The following ADAM2 variants were observed in gnomAD, a reference collection of about 807,000 sequenced individuals.
ADAM2 encodes ADAM metallopeptidase domain 2.
A neutral mutation model predicts 99.3 loss-of-function variants in ADAM2; 101 were observed. That is an observed-to-expected ratio of 1.02 (90% CI 0.87 to 1.20). The LOEUF (loss-of-function observed/expected upper bound fraction) is 1.20. ADAM2 is among the 50% of genes most tolerant of loss of function. ADAM2 has a pLI of 0.00. For missense variants in ADAM2, 948 were observed against 878.7 expected (o/e 1.08, Z -1.00); for synonymous variants, 323 against 287.6 (o/e 1.12, Z -1.25).
rs771780150 is a variant in ADAM2 at position 39,749,430 on chromosome 8, G to A, written c.1896C>T (p.His632=). 8.7e-6 allele frequency: 14 copies of A among 1,612,918 alleles called. No individual in the cohort carries two copies. The East Asian group carries it at 2.7e-4, about 31-fold the overall frequency. The change falls in exon 18 of 21, where the codon CAC becomes CAT. Residue 632 remains histidine, a synonymous_variant. Coordinates refer to ENST00000265708, the MANE Select transcript of ADAM2 (RefSeq NM_001464.5). ...GTAAATATGAAGCACTACAGTGACAGTGCTTTTTGTTATTGCATACCTAAA... is the reference window on the plus strand; with the variant it reads ...GTAAATATGAAGCACTACAGTGACAATGCTTTTTGTTATTGCATACCTAAA... ...NDRGVCNNKK[H]CHCSASYLPP...
At chr8:39,751,444 C>A (rs1801942871) in intron 16 of ADAM2, among the ~76,000 whole-genome samples, 1 of 152,080 alleles carries the variant, frequency 6.6e-6, no homozygotes, top group Non-Finnish European at 1.5e-5. Context: ...TACCCTTTTT[C>A]TGCAATGAAG....
At chr8:39,761,380 T>C in intron 14 of ADAM2, 99 bp from the exon 15 acceptor site, 1 of 593,994 alleles carries the variant, frequency 1.7e-6, no homozygotes, top group East Asian at 3.1e-5. Flanking sequence ...AGATATTCAT[T>C]GTACAAAATA....
intron 6 of ADAM2, among the ~76,000 whole-genome samples, chr8:39,816,035 T>A (rs1171158945): frequency 6.6e-6 from 1 of 151,818 alleles, no homozygotes; most frequent in African/African-American, 2.4e-5. Flanking sequence ...GTGGCTCACA[T>A]CTGTAATCCC....
At chr8:39,749,235 CAAA>C in intron 18 of ADAM2, 74 bp downstream of exon 18, 2 of 1,348,742 alleles carry the variant, frequency 1.5e-6, no homozygotes, top group East Asian at 5.0e-5. Flanking sequence ...AATTGGTAGA[CAAA>C]ATATTATTTG....
intron 6 of ADAM2, among the ~76,000 whole-genome samples, chr8:39,812,701 G>A (rs1804756860): frequency 6.6e-6 from 1 of 152,146 alleles, no homozygotes; most frequent in Non-Finnish European, 1.5e-5. Context: ...ATGGTGCTGG[G>A]AAAACTGGCT....
intron 4 of ADAM2, among the ~76,000 whole-genome samples, chr8:39,824,346 A>AT (rs1019576002): frequency 4.2e-5 from 6 of 141,724 alleles, no homozygotes; most frequent in African/African-American, 1.5e-4. Flanking sequence ...CTTCTTTATT[A>AT]TTTTTTAAAA....
At chr8:39,759,158 T>C (rs1241873685) in intron 15 of ADAM2, among the ~76,000 whole-genome samples, 1 of 152,086 alleles carries the variant, frequency 6.6e-6, no homozygotes, top group Non-Finnish European at 1.5e-5. Context: ...ATAATGACTT[T>C]ATCAAAACAT....
intron 18 of ADAM2, among the ~76,000 whole-genome samples, 194 bp from the exon 19 acceptor site, chr8:39,746,825 G>A (rs1047174689): frequency 5.9e-5 from 9 of 152,072 alleles, no homozygotes; most frequent in Admixed American, 5.2e-4. Context: ...TTTTAAAATG[G>A]ATAGCTATAT....
intron 16 of ADAM2, among the ~76,000 whole-genome samples, chr8:39,751,223 T>C (rs749642472): frequency 2.8e-4 from 43 of 152,198 alleles, no homozygotes; most frequent in Non-Finnish European, 5.3e-4. Flanking sequence ...TAGCTCTGGA[T>C]ACTGGATACA....
intron 10 of ADAM2, among the ~76,000 whole-genome samples, chr8:39,784,504 G>A (rs948011244): frequency 5.9e-5 from 9 of 152,092 alleles, no homozygotes; most frequent in African/African-American, 2.2e-4. Flanking sequence ...CCTCAGTTAG[G>A]ACTACAGGGG....
rs1802602692 is a variant in ADAM2, at chr8:39,767,146, C to T, written c.1311+7G>A. ...GGTAATATTGAAATTTTTCAAAAAG[C>T]TCTTACTAGACAGTTTTCGCAGCAT... On this transcript the variant is annotated splice_region_variant and intron_variant, in intron 13 of 20. Transcript: ENST00000265708. 8.1e-6 allele frequency: 13 copies of T among 1,603,598 alleles called. No individual in the cohort carries two copies. The highest frequency in any genetic ancestry group is 2.2e-5 in the East Asian group (1 of 44,830).
chr8:39,809,878 C>T (rs960716683), intron 6 of ADAM2, among the ~76,000 whole-genome samples: 11 of 152,266 alleles, frequency 7.2e-5, no homozygotes, highest in Middle Eastern at 3.4e-3. Flanking sequence ...CATCAATTAA[C>T]GAGCAAAATA....
rs773334201 is a variant in ADAM2, at chr8:39,744,862, A to G, written c.2206T>C (p.Ter736GlnextTer43). ...QPESESEPKG[*>Q] ...TCATGGCATCTCTGTTGTCCAGACT[A>G]CCCTTTAGGTTCACTCTCACTTTCA... is the stretch of plus-strand genomic sequence containing the variant. Residue 736 changes from the stop codon to glutamine, a stop_lost, in exon 20 of 21, where the codon TAG (stop) becomes CAG (glutamine). Transcript: ENST00000265708. 6.2e-7 allele frequency: 1 copy of G among 1,602,352 alleles called. No homozygotes were observed.
chr8:39,773,498 T>A (rs1802865165), intron 11 of ADAM2, among the ~76,000 whole-genome samples: 1 of 151,668 alleles, frequency 6.6e-6, no homozygotes, highest in Admixed American at 6.6e-5. Context: ...AATTAATTAA[T>A]TTGATAAAAT....
intron 15 of ADAM2, among the ~76,000 whole-genome samples, chr8:39,759,540 T>G (rs1802273497): frequency 6.6e-6 from 1 of 152,178 alleles, no homozygotes; most frequent in Non-Finnish European, 1.5e-5. Flanking sequence ...CAATAAGTTA[T>G]GTAAGAAAAT....
At chr8:39,778,117 T>C (rs1803074119) in intron 10 of ADAM2, among the ~76,000 whole-genome samples, 1 of 150,806 alleles carries the variant, frequency 6.6e-6, no homozygotes, top group South Asian at 2.1e-4. Context: ...AGATGCTTAT[T>C]ATAGCACATT....
chr8:39,775,889 T>C (rs1471731060), intron 11 of ADAM2, among the ~76,000 whole-genome samples: 1 of 152,022 alleles, frequency 6.6e-6, no homozygotes, highest in Non-Finnish European at 1.5e-5. Context: ...ATGAAAACAG[T>C]AAACTTCAAT....
rs774404216 is a variant in ADAM2 at position 39,769,437 on chromosome 8, A to G, written c.1167T>C (p.Asn389=). The change falls in exon 12 of 21, where the codon AAT becomes AAC. Residue 389 remains asparagine (N), a synonymous_variant. Transcript: ENST00000265708. ...PFFKQQAVCG[N]AKLEAGEECD... ...ACTCCTCTCCTGCTTCCAGCTTTGCATTACCACACACTGCTTGCTGTTTGA... is the reference window on the plus strand; with the variant it reads ...ACTCCTCTCCTGCTTCCAGCTTTGCGTTACCACACACTGCTTGCTGTTTGA... The G allele has an allele frequency of 1.9e-6, 3 of 1,613,964 alleles. No homozygotes were observed. The highest frequency in any genetic ancestry group is 1.3e-5 in the African/African-American group (1 of 74,928).
At chr8:39,787,164 TA>T (rs1340266807) in intron 9 of ADAM2, 109 bp from the exon 10 acceptor site, 3 of 574,404 alleles carry the variant, frequency 5.2e-6, no homozygotes, top group Non-Finnish European at 9.0e-6. Flanking sequence ...CATCTAACAT[TA>T]ATGTAACATA....
Sources: allele counts gnomAD v4.1 joint callset (sites outside exome capture counted in the v4.1 genomes callset), GRCh38; gene constraint gnomAD v4.1.1; transcripts MANE v1.5; gene names NCBI Gene and HGNC (gene_info 2026-07-23, HGNC 2026-07-21).